ANAPC10: variants seen among roughly 807,000 people sequenced by gnomAD.
ANAPC10 encodes anaphase promoting complex subunit 10, also known as anaphase-promoting complex subunit 10.
Under a neutral mutation model 22.0 loss-of-function variants are expected in ANAPC10, and 12 were observed. The observed-to-expected ratio is 0.55, with a 90% CI of 0.35 to 0.88. ANAPC10 has a LOEUF of 0.88. Among genes scored for constraint, ANAPC10 ranks in the 40% least tolerant of loss-of-function variants. The pLI, the probability that ANAPC10 is intolerant of heterozygous loss-of-function variation, is 0.01. For missense variants in ANAPC10, 188 were observed against 220.9 expected (o/e 0.85, Z 0.94); for synonymous variants, 65 against 69.5 (o/e 0.94, Z 0.32).
intron 4 of ANAPC10, among the ~76,000 whole-genome samples, chr4:145,054,386 C>T (rs911906533): frequency 4.7e-5 from 7 of 148,974 alleles, no homozygotes; most frequent in African/African-American, 1.7e-4. Context: ...CCCGTCTCTA[C>T]TAAAAAAAAA....
At chr4:145,054,000 C>T (rs1452109782) in intron 4 of ANAPC10, among the ~76,000 whole-genome samples, 1 of 151,716 alleles carries the variant, frequency 6.6e-6, no homozygotes, top group African/African-American at 2.4e-5. Flanking sequence ...CCTCTGCCTC[C>T]CAGGTTCAAG....
At chr4:145,011,554 T>G (rs1401437286) in intron 4 of ANAPC10, among the ~76,000 whole-genome samples, 2 of 151,756 alleles carry the variant, frequency 1.3e-5, no homozygotes, top group Non-Finnish European at 2.9e-5. Context: ...GGGAGGTGAA[T>G]GGTCTTTCTG....
intron 4 of ANAPC10, among the ~76,000 whole-genome samples, chr4:144,997,494 A>G (rs772599827): frequency 1.3e-5 from 2 of 152,236 alleles, no homozygotes; most frequent in Non-Finnish European, 2.9e-5. Flanking sequence ...ACTAAGCTTC[A>G]TAAGTGAAGG....
At chr4:145,018,333 G>T (rs181580798) in intron 4 of ANAPC10, among the ~76,000 whole-genome samples, 3 of 152,024 alleles carry the variant, frequency 2.0e-5, no homozygotes, top group African/African-American at 7.2e-5. Context: ...ACTACAGAAT[G>T]GATAAGCATT....
At chr4:145,009,018 A>C (rs1733869794) in intron 4 of ANAPC10, among the ~76,000 whole-genome samples, 1 of 152,148 alleles carries the variant, frequency 6.6e-6, no homozygotes, top group African/African-American at 2.4e-5. Context: ...AATGTGTAAA[A>C]ATCACAAGTA....
rs571782902 is a variant in ANAPC10 at position 145,017,073 on chromosome 4, T to C, written c.328-21470A>G. 1.1e-4 allele frequency among the ~76,000 whole-genome samples: 17 copies of C among 152,338 alleles called. No homozygotes were observed. The South Asian group carries it at 3.5e-3, about 32-fold the overall frequency. On this transcript the variant is annotated intron_variant, in intron 4 of 4. Transcript: ENST00000507656. The stretch of plus-strand genomic sequence containing the variant: ...GACATAGGCATGGGCAAGGACTTCA[T>C]GTCTAAAACACCAAAAGCAATCGCA...
chr4:145,042,185 G>A (rs1221574772), intron 4 of ANAPC10, among the ~76,000 whole-genome samples: 1 of 152,060 alleles, frequency 6.6e-6, no homozygotes, highest in Non-Finnish European at 1.5e-5. Context: ...TGTATCTAAC[G>A]TGATACTCAG....
intron 4 of ANAPC10, among the ~76,000 whole-genome samples, chr4:145,039,338 C>A (rs1739142261): frequency 6.6e-6 from 1 of 152,156 alleles, no homozygotes; most frequent in South Asian, 2.1e-4. Context: ...TCAATATAAT[C>A]TAAATATGCT....
At position 144,995,263 on chromosome 4, in the gene ANAPC10, T is replaced by C. The variant is rs1456044804; in HGVS notation, c.*110A>G. Reference sequence around the variant, plus strand: ...AGTTACAATAAAATATTTTTAAACATATACAAAATTAGATATAACGGATGC... The same window carrying C: ...AGTTACAATAAAATATTTTTAAACACATACAAAATTAGATATAACGGATGC... On this transcript the variant is annotated 3_prime_UTR_variant, in exon 5 of 5. Coordinates refer to ENST00000507656, the MANE Select transcript of ANAPC10 (RefSeq NM_001256706.2). 1 of 570,238 alleles carries C rather than the reference T, an allele frequency of 1.8e-6. No homozygotes were observed. The highest frequency in any genetic ancestry group is 2.8e-6 in the Non-Finnish European group (1 of 352,964). The allele number at this position is 570,238 out of a possible 1,614,324, so 35.3% of individuals were successfully genotyped here. A position where few individuals can be genotyped will look rare whatever the true frequency, so the allele number is the denominator to read the frequency against.
intron 4 of ANAPC10, among the ~76,000 whole-genome samples, chr4:145,048,146 G>A (rs1054043582): frequency 6.6e-6 from 1 of 151,974 alleles, no homozygotes; most frequent in African/African-American, 2.4e-5. Flanking sequence ...TAAAACGGAC[G>A]CCCCTCCACT....
chr4:145,069,384 A>G (rs1429135790), intron 3 of ANAPC10, among the ~76,000 whole-genome samples: 1 of 152,236 alleles, frequency 6.6e-6, no homozygotes, highest in Non-Finnish European at 1.5e-5. Context: ...GGTCCCCTTC[A>G]TTCTATGCCT....
At chr4:145,034,214 C>T (rs1484958712) in intron 4 of ANAPC10, among the ~76,000 whole-genome samples, 1 of 151,676 alleles carries the variant, frequency 6.6e-6, no homozygotes, top group Non-Finnish European at 1.5e-5. Flanking sequence ...ATGCCTGTGT[C>T]GGTGTTACCA....
chr4:145,075,640 C>T (rs1745083710), intron 3 of ANAPC10, among the ~76,000 whole-genome samples: 1 of 152,168 alleles, frequency 6.6e-6, no homozygotes, highest in South Asian at 2.1e-4. Context: ...TCATTTCTGG[C>T]CCTGAGCAGC....
At chr4:145,082,043 T>C (rs1288137152) in intron 2 of ANAPC10, among the ~76,000 whole-genome samples, 2 of 152,168 alleles carry the variant, frequency 1.3e-5, no homozygotes, top group African/African-American at 4.8e-5. Context: ...TCTTCTACCC[T>C]TTTATTCAGA....
rs574262244 is a variant in ANAPC10 at position 145,047,007 on chromosome 4, C to G, written c.327+17565G>C. Among the ~76,000 whole-genome samples the G allele has an allele frequency of 2.6e-5, 4 of 152,202 alleles. No homozygotes were observed. In the South Asian group the frequency reaches 8.3e-4, roughly 31 times the overall value. ...ATGGATGGGCGTAAAGTTATATTGA[C>G]TAAGAATCTATACATATTAGGTTCA... On this transcript the variant is annotated intron_variant, in intron 4 of 4. Transcript: ENST00000507656.
intron 4 of ANAPC10, among the ~76,000 whole-genome samples, chr4:145,020,370 A>G (rs907195232): frequency 2.6e-5 from 4 of 152,218 alleles, no homozygotes; most frequent in Non-Finnish European, 5.9e-5. Context: ...AAAGCATTTG[A>G]CAAAATCCAG....
chr4:145,094,941 T>C (rs1283728118), intron 2 of ANAPC10, among the ~76,000 whole-genome samples: 4 of 152,168 alleles, frequency 2.6e-5, no homozygotes, highest in African/African-American at 9.7e-5. Context: ...AAGGAAAGTA[T>C]TTTGGCGTAT....
At chr4:145,001,587 A>G (rs1732578734) in intron 4 of ANAPC10, among the ~76,000 whole-genome samples, 1 of 152,184 alleles carries the variant, frequency 6.6e-6, no homozygotes, top group Non-Finnish European at 1.5e-5. Context: ...AGGAGAAGTT[A>G]TGTAATGGGT....
intron 3 of ANAPC10, among the ~76,000 whole-genome samples, chr4:145,065,861 T>C (rs1373775431): frequency 1.3e-5 from 2 of 152,016 alleles, no homozygotes; most frequent in African/African-American, 4.8e-5. Flanking sequence ...TACCCAAAAA[T>C]AGTAAAATTA....
Sources: allele counts gnomAD v4.1 joint callset (sites outside exome capture counted in the v4.1 genomes callset), GRCh38; gene constraint gnomAD v4.1.1; transcripts MANE v1.5; gene names NCBI Gene and HGNC (gene_info 2026-07-23, HGNC 2026-07-21).